The following TECPR2 variants were observed in gnomAD, a reference collection of about 807,000 sequenced individuals.
TECPR2 encodes tectonin beta-propeller repeat containing 2.
In TECPR2, 65 loss-of-function variants were observed where a neutral mutation model predicts 138.1. That is an observed-to-expected ratio of 0.47 (90% CI 0.39 to 0.58). The LOEUF (loss-of-function observed/expected upper bound fraction) is 0.58, where lower values mean the gene tolerates loss of function less well. TECPR2 is among the 20% of genes least tolerant of loss of function. The pLI, the probability that TECPR2 is intolerant of heterozygous loss-of-function variation, is 0.00. For missense variants in TECPR2, 1,553 were observed against 1,824.5 expected, an observed-to-expected ratio of 0.85 and a Z score of 2.71; for synonymous variants, 746 against 749.8, an observed-to-expected ratio of 0.99 and a Z score of 0.08.
At position 102,435,076 on chromosome 14, in the gene TECPR2, T is replaced by C. The variant is rs1889623282; in HGVS notation, c.2259T>C (p.Asp753=). 6.2e-7 allele frequency: 1 copy of C among 1,613,992 alleles called. No individual in the cohort carries two copies. The highest frequency in any genetic ancestry group is 1.3e-5 in the African/African-American group (1 of 75,062). The part of the protein sequence containing the change: ...PPRDQTLTSS[D]EEDIYAHGLP... Reference sequence around the variant, plus strand: ...GGGATCAGACATTGACGTCCAGCGATGAGGAGGACATCTATGCCCACGGGC... The same window carrying C: ...GGGATCAGACATTGACGTCCAGCGACGAGGAGGACATCTATGCCCACGGGC... The change falls in exon 9 of 20, where the codon GAT becomes GAC. Residue 753 remains aspartate (D), a synonymous_variant. Coordinates refer to ENST00000359520, the MANE Select transcript of TECPR2 (RefSeq NM_014844.5).
rs143290546 is a variant in TECPR2 at position 102,445,932 on chromosome 14, C to T, written c.3060C>T (p.Asp1020=). ...TTTCCAAGAAGCCCCAAGGAGATGA[C>T]GACCATTGGTGGCAAGTAGGTGTTC... ...GIISKKPQGD[D]DHWWQVSITD... is the part of the protein sequence containing the mutation. The change falls in exon 13 of 20, where the codon GAC becomes GAT. Residue 1020 remains aspartate, a synonymous_variant. Coordinates refer to ENST00000359520, the MANE Select transcript of TECPR2 (RefSeq NM_014844.5). 101 of 1,613,724 alleles carry T rather than the reference C, an allele frequency of 6.3e-5. No homozygotes were observed. The highest frequency in any genetic ancestry group is 7.5e-5 in the Non-Finnish European group (89 of 1,179,860).
chr14:102,438,133 G>A lies in TECPR2; in HGVS notation c.2506G>A (p.Ala836Thr), dbSNP rs775739773. The change falls in exon 10 of 20, where the codon GCG (alanine) becomes ACG (threonine). Residue 836 changes from alanine to threonine, a missense_variant. Physicochemically the swap from Ala to Thr is moderately conservative, Grantham distance 58 (BLOSUM62 0). Transcript: ENST00000359520. Reference protein sequence around the residue: ...LDYKGGLFCSALPGAGLRWQK... With the variant: ...LDYKGGLFCSTLPGAGLRWQK... Reference sequence around the variant, plus strand: ...CTACAAAGGCGGCCTGTTCTGCAGCGCGTTGCCGGGCGCCGGGCTGCGCTG... The same window carrying A: ...CTACAAAGGCGGCCTGTTCTGCAGCACGTTGCCGGGCGCCGGGCTGCGCTG... 17 of 1,613,942 alleles carry A rather than the reference G, an allele frequency of 1.1e-5. No individual in the cohort carries two copies. The highest frequency in any genetic ancestry group is 1.4e-5 in the Non-Finnish European group (17 of 1,179,994).
rs200011732 is a variant in TECPR2 at position 102,463,366 on chromosome 14, G to A, written c.3641-1775G>A. Among the ~76,000 whole-genome samples the A allele has an allele frequency of 1.5e-3, 211 of 138,842 alleles. 3 individuals are homozygous for A. In the East Asian group the frequency reaches 0.036, roughly 23 times the overall value. 91.1% of individuals were successfully genotyped at this position (138,842 alleles called of 152,430 possible). A position where few individuals can be genotyped will look rare whatever the true frequency, so the allele number is the denominator to read the frequency against. ...CGGGAGGCGGAGCTTGCAGTGAGCC[G>A]AGATCCCGCCACTGCACTCCAGCCT... is the stretch of plus-strand genomic sequence containing the variant. On this transcript the variant is annotated intron_variant, in intron 16 of 19. Transcript: ENST00000359520.
intron 5 of TECPR2, among the ~76,000 whole-genome samples, chr14:102,417,361 G>A (rs1021463387): frequency 5.9e-5 from 9 of 152,244 alleles, no homozygotes; most frequent in Non-Finnish European, 8.8e-5. Flanking sequence ...ACGTGGAGGC[G>A]TGACAGCAAG....
chr14:102,476,295 G>T lies in TECPR2; in HGVS notation c.3789+11006G>T, dbSNP rs117749423. Among the ~76,000 whole-genome samples the T allele has an allele frequency of 9.8e-4, 146 of 149,586 alleles. 1 individual carries two copies. The East Asian group carries it at 0.015, about 15-fold the overall frequency. On this transcript the variant is annotated intron_variant, in intron 17 of 19. Coordinates refer to ENST00000359520, the MANE Select transcript of TECPR2 (RefSeq NM_014844.5). ...GCCTGCAATCCCAGAACTTTGGGAC[G>T]CTGAGCTGGGAGAATTGCTTAAGCT...
intron 17 of TECPR2, among the ~76,000 whole-genome samples, chr14:102,492,686 C>T (rs565149214): frequency 1.4e-3 from 218 of 152,266 alleles, no homozygotes; most frequent in Admixed American, 4.1e-3. Context: ...GGGGCCCTTC[C>T]CAGAGGCCTG....
chr14:102,376,477 A>C (rs542755123), intron 1 of TECPR2, among the ~76,000 whole-genome samples, 173 bp from the exon 2 acceptor site: 2 of 152,324 alleles, frequency 1.3e-5, no homozygotes, highest in South Asian at 4.1e-4. Flanking sequence ...ACTGAAGTGC[A>C]TTTTGAGTTA....
Position 102,420,463 on chromosome 14 carries a change from C to T in TECPR2, c.639-4516C>T, listed in dbSNP as rs1889149405. ...CACTGCCTTTGACCAACCCACTCAT[C>T]AGACATTTCCGTTCTTTTTATTTTT... On this transcript the variant is annotated intron_variant, in intron 5 of 19. Transcript: ENST00000359520. This position sits in a 1 kb window ranked among gnomAD's most constrained non-coding sequence, Gnocchi z 4.1. 6.6e-6 allele frequency among the ~76,000 whole-genome samples: 1 copy of T among 152,106 alleles called. No individual in the cohort carries two copies. The highest frequency in any genetic ancestry group is 1.5e-5 in the Non-Finnish European group (1 of 68,018).
chr14:102,391,328 G>A (rs1286487723), intron 2 of TECPR2, among the ~76,000 whole-genome samples: 1 of 152,206 alleles, frequency 6.6e-6, no homozygotes, highest in Admixed American at 6.5e-5. Flanking sequence ...CCAAAGTGCT[G>A]GGATTACAGG....
chr14:102,413,337 C>CAT (rs1888933636), intron 4 of TECPR2, among the ~76,000 whole-genome samples: 2 of 149,848 alleles, frequency 1.3e-5, no homozygotes, highest in African/African-American at 4.9e-5. Context: ...TATTGGATTT[C>CAT]ATATATATGA....
chr14:102,391,268 G>T (rs1345857189), intron 2 of TECPR2, among the ~76,000 whole-genome samples: 1 of 152,056 alleles, frequency 6.6e-6, no homozygotes, highest in African/African-American at 2.4e-5. Flanking sequence ...CCATGTTGGC[G>T]AGGCTGGTCT....
In TECPR2 at chr14:102,454,624, G is replaced by A. The variant is rs1890231045; in HGVS notation, c.3640+1997G>A. Among the ~76,000 whole-genome samples the A allele has an allele frequency of 1.3e-5, 2 of 152,310 alleles. 1 individual carries two copies. Among genetic ancestry groups the A allele is most frequent in the Middle Eastern group, 6.8e-3 (2 of 294 alleles). On this transcript the variant is annotated intron_variant, in intron 16 of 19. Coordinates refer to ENST00000359520, the MANE Select transcript of TECPR2 (RefSeq NM_014844.5). Reference sequence around the variant, plus strand: ...ACTGACCTGCCGCCTGCCCTGGAAAGCCTTTCATTTGTTCAGAGACCCTAC... The same window carrying A: ...ACTGACCTGCCGCCTGCCCTGGAAAACCTTTCATTTGTTCAGAGACCCTAC...
Position 102,497,101 on chromosome 14 carries a change from CG to C in TECPR2, c.3913del (p.Ala1305ProfsTer15), listed in dbSNP as rs1567365994. 1 of 1,612,022 alleles carries C rather than the reference CG, an allele frequency of 6.2e-7. No individual in the cohort carries two copies. Among genetic ancestry groups the C allele is most frequent in the Non-Finnish European group, 8.5e-7 (1 of 1,179,918 alleles). On this transcript the variant is annotated frameshift_variant, in exon 18 of 20. Coordinates refer to ENST00000359520, the MANE Select transcript of TECPR2 (RefSeq NM_014844.5). LOFTEE classifies it high-confidence loss of function. ...TCACCGAGGAGATGCCTGTGGGGAC[CG>C]CCTGGGAGCATGTGCCAGGTAGGAG... ...GITEEMPVGT[A>X]WEHVPGLQAC...
At chr14:102,437,960 A>G (rs2139736165) in intron 9 of TECPR2, 62 bp from the exon 10 acceptor site, 3 of 1,554,160 alleles carry the variant, frequency 1.9e-6, no homozygotes, top group Non-Finnish European at 2.6e-6. Flanking sequence ...TCTTACTGAG[A>G]ACAGTAAGCC....
chr14:102,407,311 A>G (rs376089437), intron 2 of TECPR2, 27 bp from the exon 3 acceptor site: 1 of 1,572,638 alleles, frequency 6.4e-7, no homozygotes, highest in Non-Finnish European at 8.6e-7. Context: ...ATAGTTACAG[A>G]TTCATTTGTT....
chr14:102,490,738 T>A (rs1050268234), intron 17 of TECPR2, among the ~76,000 whole-genome samples: 1 of 152,182 alleles, frequency 6.6e-6, no homozygotes, highest in Non-Finnish European at 1.5e-5. Context: ...TCCATCGGCC[T>A]CTTAGGGCCT....
At chr14:102,424,046 C>A (rs938032905) in intron 5 of TECPR2, among the ~76,000 whole-genome samples, 15 of 152,172 alleles carry the variant, frequency 9.9e-5, no homozygotes, top group African/African-American at 2.9e-4. Context: ...GGAATATATT[C>A]TGAGAAATGC....
rs908869092 is a variant in TECPR2 at position 102,415,285 on chromosome 14, T to A, written c.638+492T>A. ...CAGATAGAACACTTGTTGACCACTG[T>A]GTCAGCTGCTGTGGACCAAAATACA... is the stretch of plus-strand genomic sequence containing the variant. On this transcript the variant is annotated intron_variant, in intron 5 of 19. Transcript: ENST00000359520. This position sits in a 1 kb window ranked among gnomAD's most constrained non-coding sequence, Gnocchi z 4.3. Among the ~76,000 whole-genome samples the A allele has an allele frequency of 6.6e-6, 1 of 152,222 alleles. No individual in the cohort carries two copies. Among genetic ancestry groups the A allele is most frequent in the Non-Finnish European group, 1.5e-5 (1 of 68,028 alleles).
At chr14:102,416,487 C>T (rs559685410) in intron 5 of TECPR2, among the ~76,000 whole-genome samples, 68 of 152,290 alleles carry the variant, frequency 4.5e-4, no homozygotes, top group African/African-American at 1.5e-3. Flanking sequence ...CCTTTCGGTC[C>T]CTGGAGAACT....
Sources: gnomAD v4.1 joint callset for allele counts (sites outside exome capture counted in the v4.1 genomes callset) on GRCh38, gnomAD v4.1.1 for gene constraint, Gnocchi (gnomAD v3.1) non-coding constraint, MANE v1.5 for transcripts, NCBI Gene and HGNC (gene_info 2026-07-23, HGNC 2026-07-21) for gene names.